The following SH3RF1 variants were observed in gnomAD, a reference collection of about 807,000 sequenced individuals.
SH3RF1 encodes E3 ubiquitin-protein ligase SH3RF1.
A neutral mutation model predicts 74.0 loss-of-function variants in SH3RF1; 32 were observed. The observed-to-expected ratio is 0.43, with a 90% CI of 0.33 to 0.58. The LOEUF is 0.58. Among genes scored for constraint, SH3RF1 ranks in the 20% least tolerant of loss-of-function variants. The pLI is 0.05. For missense variants in SH3RF1, 954 were observed against 1,130.9 expected (o/e 0.84, Z 2.24); for synonymous variants, 396 against 439.6 (o/e 0.90, Z 1.24).
At chr4:169,144,304 T>C (rs1733836120) in intron 4 of SH3RF1, among the ~76,000 whole-genome samples, 1 of 152,222 alleles carries the variant, frequency 6.6e-6, no homozygotes, top group African/African-American at 2.4e-5. Flanking sequence ...CAAGACTTAA[T>C]GATCTGTAAA....
chr4:169,204,209 G>T (rs1281933924), intron 2 of SH3RF1: 1 of 152,154 alleles, frequency 6.6e-6, no homozygotes, highest in Admixed American at 6.5e-5. Flanking sequence ...TCTAAAGACT[G>T]CAGCACTGTT....
chr4:169,102,200 T>A (rs553066751), intron 11 of SH3RF1, among the ~76,000 whole-genome samples: 53 of 152,300 alleles, frequency 3.5e-4, no homozygotes, highest in African/African-American at 1.3e-3. Context: ...GGCATAACCA[T>A]ACTAGTTCCC....
At chr4:169,242,539 G>T (rs766370459) in intron 2 of SH3RF1, among the ~76,000 whole-genome samples, 11 of 152,172 alleles carry the variant, frequency 7.2e-5, no homozygotes, top group Non-Finnish European at 1.5e-4. Flanking sequence ...CCAGCTCCAG[G>T]AAATCAAATT....
intron 4 of SH3RF1, among the ~76,000 whole-genome samples, chr4:169,144,917 AG>A (rs1268673951): frequency 2.6e-5 from 4 of 152,178 alleles, no homozygotes; most frequent in Non-Finnish European, 5.9e-5. Flanking sequence ...AGAAAATAGT[AG>A]GGGTAAGAGG....
chr4:169,138,101 G>A (rs6553420), intron 4 of SH3RF1, among the ~76,000 whole-genome samples: 30,135 of 152,136 alleles, frequency 0.2, 3,121 homozygotes, highest in African/African-American at 0.27. Context: ...GGTTCTAGTT[G>A]AGGGTGGCCC....
chr4:169,220,682 C>T (rs1405848738), intron 2 of SH3RF1, among the ~76,000 whole-genome samples: 1 of 152,202 alleles, frequency 6.6e-6, no homozygotes, highest in African/African-American at 2.4e-5. Flanking sequence ...ATTCCTCTGT[C>T]AAACAACTGA....
At chr4:169,221,902 T>C (rs1196336849) in intron 2 of SH3RF1, among the ~76,000 whole-genome samples, 6 of 152,170 alleles carry the variant, frequency 3.9e-5, no homozygotes, top group Admixed American at 3.9e-4. Context: ...CCTTTTTGCT[T>C]AACTGGATAG....
At chr4:169,218,713 C>T (rs939459105) in intron 2 of SH3RF1, among the ~76,000 whole-genome samples, 5 of 151,610 alleles carry the variant, frequency 3.3e-5, no homozygotes, top group Admixed American at 1.3e-4. Context: ...GCATTACTGC[C>T]TTTTTATAGC....
At chr4:169,261,043 C>A (rs1206668210) in intron 2 of SH3RF1, among the ~76,000 whole-genome samples, 4 of 152,182 alleles carry the variant, frequency 2.6e-5, no homozygotes, top group Admixed American at 2.6e-4. Flanking sequence ...CCAGACACTA[C>A]AAAGGGCTCT....
At chr4:169,199,671 C>G (rs1247016631) in intron 2 of SH3RF1, among the ~76,000 whole-genome samples, 1 of 151,536 alleles carries the variant, frequency 6.6e-6, no homozygotes, top group Non-Finnish European at 1.5e-5. Flanking sequence ...TTGAGAGCAG[C>G]TAGGAGGTTC....
At chr4:169,168,800 T>C (rs1327601058) in intron 2 of SH3RF1, among the ~76,000 whole-genome samples, 1 of 152,232 alleles carries the variant, frequency 6.6e-6, no homozygotes, top group Non-Finnish European at 1.5e-5. Context: ...GGCAATCAAA[T>C]CATCTGAGAG....
At chr4:169,236,151 G>A (rs1049785774) in intron 2 of SH3RF1, among the ~76,000 whole-genome samples, 3 of 152,164 alleles carry the variant, frequency 2.0e-5, no homozygotes, top group African/African-American at 7.2e-5. Flanking sequence ...TAAACATTAC[G>A]ATTCTTCTCT....
chr4:169,247,929 AG>A (rs1378677643), intron 2 of SH3RF1, among the ~76,000 whole-genome samples: 40 of 152,356 alleles, frequency 2.6e-4, no homozygotes, highest in African/African-American at 8.9e-4. Flanking sequence ...TGCAAATCAA[AG>A]CCACAATGAG....
chr4:169,110,262 A>C (rs1733218349), intron 10 of SH3RF1, among the ~76,000 whole-genome samples: 1 of 151,730 alleles, frequency 6.6e-6, no homozygotes, highest in South Asian at 2.1e-4. Flanking sequence ...CCCAGCTGGG[A>C]GGATCACTTA....
At chr4:169,156,106 A>C (rs1734046264) in intron 3 of SH3RF1, among the ~76,000 whole-genome samples, 1 of 152,244 alleles carries the variant, frequency 6.6e-6, no homozygotes, top group African/African-American at 2.4e-5. Context: ...TCAGTACTTT[A>C]AAATCCCTGA....
At chr4:169,244,687 A>T (rs1422439839) in intron 2 of SH3RF1, among the ~76,000 whole-genome samples, 1 of 151,222 alleles carries the variant, frequency 6.6e-6, no homozygotes, top group Non-Finnish European at 1.5e-5. Context: ...GACATTTTAC[A>T]AAGTAACACA....
At position 169,106,898 on chromosome 4, in the gene SH3RF1, C is replaced by T; in HGVS notation, c.2447G>A (p.Cys816Tyr). 6.2e-7 allele frequency: 1 copy of T among 1,613,204 alleles called. No homozygotes were observed. Among genetic ancestry groups the T allele is most frequent in the Non-Finnish European group, 8.5e-7 (1 of 1,179,762 alleles). ...ATTCAAGACAGGACCCAGGGAGGAA[C>T]AGGCCTGGCGAGGAGGTGGAGCGAT... ...VPIAPPPRQA[C>Y]SSLGPVLNES... is the part of the protein sequence containing the mutation. The change falls in exon 11 of 12, where the codon TGT becomes TAT. Residue 816 changes from cysteine (C) to tyrosine (Y), a missense_variant. Physicochemically the swap from Cys to Tyr is radical, Grantham distance 194. Transcript: ENST00000284637.
At chr4:169,228,408 A>C (rs1361927020) in intron 2 of SH3RF1, among the ~76,000 whole-genome samples, 1 of 151,972 alleles carries the variant, frequency 6.6e-6, no homozygotes, top group Non-Finnish European at 1.5e-5. Context: ...TGGAGGTTCT[A>C]GGGGAAAAAT....
At chr4:169,207,381 C>T (rs772987094) in intron 2 of SH3RF1, among the ~76,000 whole-genome samples, 8 of 152,240 alleles carry the variant, frequency 5.3e-5, no homozygotes, top group Middle Eastern at 3.4e-3. Context: ...GAGCCATGAT[C>T]GTGCCACTGT....
Sources: allele counts gnomAD v4.1 joint callset (sites outside exome capture counted in the v4.1 genomes callset), GRCh38; gene constraint gnomAD v4.1.1; transcripts MANE v1.5; gene names NCBI Gene and HGNC (gene_info 2026-07-23, HGNC 2026-07-21).